The following MYZAP variants were observed in gnomAD, a reference collection of about 807,000 sequenced individuals.
MYZAP encodes myocardial zonula adherens protein.
MYZAP carries 66 observed loss-of-function variants against 69.4 expected under a neutral mutation model. The ratio of observed to expected loss-of-function variants is 0.95; its 90% CI spans 0.78 to 1.17. MYZAP has a LOEUF of 1.17. Among genes scored for constraint, MYZAP ranks in the 50% most tolerant of loss-of-function variants. The pLI is 0.00. For missense variants in MYZAP, 611 were observed against 556.2 expected (o/e 1.10, Z -0.99); for synonymous variants, 256 against 205.9 (o/e 1.24, Z -2.09).
chr15:57,633,805 A>G, intron 8 of MYZAP, 64 bp downstream of exon 8: 1 of 1,397,304 alleles, frequency 7.2e-7, no homozygotes, highest in Non-Finnish European at 9.4e-7. Flanking sequence ...TCCATCTGAG[A>G]TACGAGAGGC....
chr15:57,656,168 G>T (rs1170011618), intron 10 of MYZAP, among the ~76,000 whole-genome samples: 1 of 152,194 alleles, frequency 6.6e-6, no homozygotes, highest in Non-Finnish European at 1.5e-5. Context: ...TTTGGGGGTT[G>T]CTCTGGGGAC....
intron 10 of MYZAP, among the ~76,000 whole-genome samples, chr15:57,649,968 CTTGCATCTATTTTGT>C (rs552927538): frequency 1.3e-5 from 2 of 152,302 alleles, no homozygotes; most frequent in African/African-American, 4.8e-5. Context: ...AGGGCAGGGA[CTTGCATCTATTTTGT>C]TTGTGGTTGT....
intron 10 of MYZAP, among the ~76,000 whole-genome samples, chr15:57,644,520 C>T (rs1325039369): frequency 2.0e-5 from 3 of 152,144 alleles, no homozygotes; most frequent in Non-Finnish European, 4.4e-5. Flanking sequence ...ATCATACCTT[C>T]CTGCAGCCTC....
rs142159417 is a variant in MYZAP, at chr15:57,633,684, A to C, written c.876A>C (p.Leu292=). The change falls in exon 8 of 13, where the codon CTA becomes CTC. Residue 292 remains leucine (L), a synonymous_variant. Coordinates refer to ENST00000267853, the MANE Select transcript of MYZAP (RefSeq NM_001018100.5). The part of the protein sequence containing the change: ...NKKMQAAEIS[L]EEKDQRIGEL... ...AGATGCAAGCAGCAGAGATCAGCCTAGAGGAGAAAGACCAGAGGATCGGGG... is the reference window on the plus strand; with the variant it reads ...AGATGCAAGCAGCAGAGATCAGCCTCGAGGAGAAAGACCAGAGGATCGGGG... 6.2e-7 allele frequency: 1 copy of C among 1,613,324 alleles called. No individual in the cohort carries two copies. Among genetic ancestry groups the C allele is most frequent in the East Asian group, 2.2e-5 (1 of 44,842 alleles).
intron 2 of MYZAP, among the ~76,000 whole-genome samples, chr15:57,615,623 C>A (rs1211552570): frequency 5.3e-5 from 8 of 152,198 alleles, no homozygotes; most frequent in Non-Finnish European, 7.3e-5. Flanking sequence ...ACTGAAAGAT[C>A]TTGCTTTTGT....
intron 8 of MYZAP, among the ~76,000 whole-genome samples, chr15:57,634,003 G>A (rs1280852530): frequency 6.6e-6 from 1 of 152,178 alleles, no homozygotes; most frequent in Non-Finnish European, 1.5e-5. Flanking sequence ...TTGCTTTGCT[G>A]GTGCCCCAGG....
chr15:57,594,241 G>A (rs1356329461), intron 1 of MYZAP, among the ~76,000 whole-genome samples: 5 of 152,086 alleles, frequency 3.3e-5, no homozygotes, highest in African/African-American at 7.2e-5. Context: ...TCAGCCTTCC[G>A]AGTAGCTGGG....
At chr15:57,636,012 A>G (rs2036796952) in intron 8 of MYZAP, among the ~76,000 whole-genome samples, 1 of 152,224 alleles carries the variant, frequency 6.6e-6, no homozygotes, top group Admixed American at 6.5e-5. Flanking sequence ...GTGTTTACAA[A>G]TGTAAGAAAT....
intron 11 of MYZAP, among the ~76,000 whole-genome samples, chr15:57,673,715 G>A (rs917289235): frequency 6.6e-6 from 1 of 152,092 alleles, no homozygotes; most frequent in African/African-American, 2.4e-5. Context: ...GAACTGATAC[G>A]TTGCTCCTTG....
At chr15:57,662,697 CT>C (rs1281603563) in intron 11 of MYZAP, among the ~76,000 whole-genome samples, 11 of 152,130 alleles carry the variant, frequency 7.2e-5, no homozygotes, top group African/African-American at 2.7e-4. Flanking sequence ...TATTTTCCCC[CT>C]TTTTTAGATA....
intron 2 of MYZAP, among the ~76,000 whole-genome samples, chr15:57,613,792 G>A (rs2035262882): frequency 1.3e-5 from 2 of 152,160 alleles, no homozygotes; most frequent in African/African-American, 4.8e-5. Context: ...GGCCAATCCT[G>A]CCTCATCTAC....
intron 10 of MYZAP, chr15:57,647,013 G>A: frequency 1.2e-5 from 12 of 985,378 alleles, no homozygotes; most frequent in Non-Finnish European, 1.4e-5. Context: ...GCAATGGGTG[G>A]CATGAGTCTA....
In MYZAP at chr15:57,618,833, G is replaced by C. The variant is rs75183647; in HGVS notation, c.318+645G>C. Reference sequence around the variant, plus strand: ...ATTCCATCCTGTGTTCCCCTAGATTGACTGATTCCCCTCTTGACCAAACCA... The same window carrying C: ...ATTCCATCCTGTGTTCCCCTAGATTCACTGATTCCCCTCTTGACCAAACCA... On this transcript the variant is annotated intron_variant, in intron 3 of 12. Transcript: ENST00000267853. Among the ~76,000 whole-genome samples the C allele has an allele frequency of 2.6e-3, 399 of 152,084 alleles. 2 individuals are homozygous for C. Among genetic ancestry groups the C allele is most frequent in the African/African-American group, 9.2e-3 (381 of 41,464 alleles).
chr15:57,598,632 T>G (rs1033385890), intron 1 of MYZAP, among the ~76,000 whole-genome samples: 1 of 152,208 alleles, frequency 6.6e-6, no homozygotes, highest in African/African-American at 2.4e-5. Flanking sequence ...GATTTGAATG[T>G]TAGTCTCTTC....
intron 1 of MYZAP, among the ~76,000 whole-genome samples, chr15:57,601,695 A>T (rs371308164): frequency 2.0e-5 from 3 of 152,238 alleles, no homozygotes; most frequent in East Asian, 3.9e-4. Flanking sequence ...CTGGGGGATG[A>T]TGCTTGCCAA....
Position 57,592,169 on chromosome 15 carries a change from A to G in MYZAP, c.75+60A>G, listed in dbSNP as rs796094590. On this transcript the variant is annotated intron_variant, in intron 1 of 12. Transcript: ENST00000267853. ...TTCCCCCATCCCGGCCGCCCCCTCT[A>G]GAGGGGACTAGGGATGGGAAAGCTC... is the stretch of plus-strand genomic sequence containing the variant. 171 of 1,248,886 alleles carry G rather than the reference A, an allele frequency of 1.4e-4. No homozygotes were observed. In the African/African-American group the frequency reaches 2.4e-3, roughly 17 times the overall value. The allele number at this position is 1,248,886 out of a possible 1,614,324, so 77.4% of individuals were successfully genotyped here.
intron 6 of MYZAP, 51 bp downstream of exon 6, chr15:57,629,905 CTTCT>C (rs780820637): frequency 1.9e-6 from 3 of 1,577,752 alleles, no homozygotes; most frequent in Non-Finnish European, 2.6e-6. Context: ...CTCCTCTTTA[CTTCT>C]CCCTTTTCTC....
At chr15:57,663,709 A>G (rs1264704592) in intron 11 of MYZAP, among the ~76,000 whole-genome samples, 1 of 152,208 alleles carries the variant, frequency 6.6e-6, no homozygotes, top group Non-Finnish European at 1.5e-5. Flanking sequence ...GGAAGCCCCC[A>G]GATGAAGAAT....
At chr15:57,599,378 T>G in intron 1 of MYZAP, 1 of 894,034 alleles carries the variant, frequency 1.1e-6, no homozygotes, top group Non-Finnish European at 1.4e-6. Flanking sequence ...GCCATCGTCG[T>G]ACCCTCATAG....
Sources: allele counts gnomAD v4.1 joint callset (sites outside exome capture counted in the v4.1 genomes callset), GRCh38; gene constraint gnomAD v4.1.1; transcripts MANE v1.5; gene names NCBI Gene and HGNC (gene_info 2026-07-23, HGNC 2026-07-21).